CTTNBP2: variants seen among roughly 807,000 people sequenced by gnomAD.
CTTNBP2 encodes cortactin-binding protein 2.
In CTTNBP2, 108 loss-of-function variants were observed where a neutral mutation model predicts 156.9. The ratio of observed to expected loss-of-function variants is 0.69; its 90% CI spans 0.59 to 0.81. The LOEUF (loss-of-function observed/expected upper bound fraction) is 0.81, where lower values mean the gene tolerates loss of function less well. Among genes scored for constraint, CTTNBP2 ranks in the 30% least tolerant of loss-of-function variants. CTTNBP2 has a pLI of 0.00. For synonymous variants in CTTNBP2, 767 were observed against 751.8 expected (o/e 1.02, Z -0.33); for missense variants, 1,924 against 2,035.4 (o/e 0.95, Z 1.05).
At chr7:117,743,936 G>C (rs976530151) in intron 14 of CTTNBP2, among the ~76,000 whole-genome samples, 2 of 151,904 alleles carry the variant, frequency 1.3e-5, no homozygotes, top group Non-Finnish European at 2.9e-5. Flanking sequence ...GATTCTACTG[G>C]AATTTTCCTG....
At chr7:117,813,177 C>T (rs1012024299) in intron 2 of CTTNBP2, among the ~76,000 whole-genome samples, 2 of 152,158 alleles carry the variant, frequency 1.3e-5, no homozygotes, top group African/African-American at 4.8e-5. Flanking sequence ...ATTCTTTTCC[C>T]ATGAAGTGCC....
intron 4 of CTTNBP2, among the ~76,000 whole-genome samples, chr7:117,788,004 T>A (rs372723411): frequency 2.0e-5 from 3 of 152,338 alleles, no homozygotes; most frequent in East Asian, 3.9e-4. Flanking sequence ...AGACATGGTC[T>A]CACCGTGTCA....
At chr7:117,865,640 C>G (rs1804126265) in intron 1 of CTTNBP2, among the ~76,000 whole-genome samples, 1 of 142,936 alleles carries the variant, frequency 7.0e-6, no homozygotes, top group African/African-American at 2.6e-5. Flanking sequence ...TCGTGCCACT[C>G]CAGCCTGGTG....
At chr7:117,742,319 G>C (rs1041585266) in intron 14 of CTTNBP2, among the ~76,000 whole-genome samples, 6 of 152,174 alleles carry the variant, frequency 3.9e-5, no homozygotes, top group African/African-American at 1.4e-4. Context: ...CATGAGCAAA[G>C]ACATGCAGAG....
intron 8 of CTTNBP2, among the ~76,000 whole-genome samples, chr7:117,771,725 G>A (rs1797806462): frequency 6.6e-6 from 1 of 152,174 alleles, no homozygotes; most frequent in Non-Finnish European, 1.5e-5. Flanking sequence ...AGACTCTGCT[G>A]GACACGGTAT....
At chr7:117,784,819 GT>G (rs1798625596) in intron 4 of CTTNBP2, among the ~76,000 whole-genome samples, 1 of 152,104 alleles carries the variant, frequency 6.6e-6, no homozygotes, top group African/African-American at 2.4e-5. Flanking sequence ...AAATGTAAAG[GT>G]TTTACAAGGT....
rs1184959360 is a variant in CTTNBP2 at position 117,721,090 on chromosome 7, C to T, written c.4488G>A (p.Arg1496=). The T allele has an allele frequency of 1.9e-6, 3 of 1,606,578 alleles. No individual in the cohort carries two copies. The highest frequency in any genetic ancestry group is 2.7e-5 in the African/African-American group (2 of 74,756). Residue 1496 remains arginine, a synonymous_variant, in exon 20 of 23, where the codon AGG becomes AGA. Coordinates refer to ENST00000160373, the MANE Select transcript of CTTNBP2 (RefSeq NM_033427.3). The part of the protein sequence containing the change: ...NKTISQLNCN[R]NASLSKQKSL... ...ACTTTTGTTTTGACAGAGAAGCATT[C>T]CTGTTACAATTCAGCTGTGATATAG...
intron 2 of CTTNBP2, among the ~76,000 whole-genome samples, chr7:117,832,723 C>T (rs913647425): frequency 6.7e-5 from 10 of 148,572 alleles, no homozygotes; most frequent in Non-Finnish European, 1.5e-4. Context: ...ATCTATAGCC[C>T]TTCATTCATC....
intron 2 of CTTNBP2, among the ~76,000 whole-genome samples, chr7:117,838,281 G>A (rs1416460697): frequency 2.6e-5 from 4 of 152,162 alleles, no homozygotes; most frequent in Admixed American, 1.3e-4. Flanking sequence ...TGGTATTTCT[G>A]CTACTAAGAC....
At position 117,871,971 on chromosome 7, in the gene CTTNBP2, G is replaced by C. The variant is rs1408293756; in HGVS notation, c.81+1364C>G. 5 of 985,122 alleles carry C rather than the reference G, an allele frequency of 5.1e-6. No homozygotes were observed. In the South Asian group the frequency reaches 1.9e-4, roughly 37 times the overall value. 61.0% of individuals were successfully genotyped at this position (985,122 alleles called of 1,614,324 possible). A position where few individuals can be genotyped will look rare whatever the true frequency, so the allele number is the denominator to read the frequency against. Reference sequence around the variant, plus strand: ...CCAGAGAGCCTTGTCTCAATAGCTAGTTTCCTTACTGTGCCCCACAGAGGG... The same window carrying C: ...CCAGAGAGCCTTGTCTCAATAGCTACTTTCCTTACTGTGCCCCACAGAGGG... On this transcript the variant is annotated intron_variant, in intron 1 of 22. Transcript: ENST00000160373.
At chr7:117,780,877 G>C (rs1798396431) in intron 6 of CTTNBP2, among the ~76,000 whole-genome samples, 2 of 152,138 alleles carry the variant, frequency 1.3e-5, no homozygotes, top group African/African-American at 2.4e-5. Context: ...TGTGAAAGTA[G>C]AGTCCTTAGA....
chr7:117,769,964 A>G (rs555365810), intron 8 of CTTNBP2, among the ~76,000 whole-genome samples: 2 of 152,360 alleles, frequency 1.3e-5, no homozygotes, highest in South Asian at 2.1e-4. Flanking sequence ...TCAAGTATCT[A>G]TATCTCATAA....
intron 2 of CTTNBP2, among the ~76,000 whole-genome samples, chr7:117,833,073 G>A (rs1801720107): frequency 6.6e-6 from 1 of 151,878 alleles, no homozygotes; most frequent in South Asian, 2.1e-4. Context: ...TTCTTTTATG[G>A]AACTCATACA....
At chr7:117,723,831 C>T (rs1048451833) in intron 19 of CTTNBP2, among the ~76,000 whole-genome samples, 3 of 150,300 alleles carry the variant, frequency 2.0e-5, no homozygotes, top group Non-Finnish European at 4.4e-5. Flanking sequence ...CGGCTCACTG[C>T]AACCTCTGTG....
intron 2 of CTTNBP2, among the ~76,000 whole-genome samples, chr7:117,835,721 G>A (rs1801891271): frequency 6.6e-6 from 1 of 152,192 alleles, no homozygotes; most frequent in Non-Finnish European, 1.5e-5. Flanking sequence ...TAAAGCCAGA[G>A]GGTCTGGTCG....
intron 2 of CTTNBP2, among the ~76,000 whole-genome samples, chr7:117,860,739 T>G (rs1353894481): frequency 6.6e-6 from 1 of 152,212 alleles, no homozygotes; most frequent in Admixed American, 6.5e-5. Context: ...TTTGAAGGTA[T>G]GGATAAACAT....
At chr7:117,727,499 A>T (rs990649018) in intron 17 of CTTNBP2, among the ~76,000 whole-genome samples, 1 of 152,152 alleles carries the variant, frequency 6.6e-6, no homozygotes, top group African/African-American at 2.4e-5. Context: ...AGCTAAGAAG[A>T]TATTATTTCT....
Position 117,861,310 on chromosome 7 carries a change from C to A in CTTNBP2, c.88G>T (p.Glu30Ter). 6.2e-7 allele frequency: 1 copy of A among 1,609,240 alleles called. No homozygotes were observed. Among genetic ancestry groups the A allele is most frequent in the Non-Finnish European group, 8.5e-7 (1 of 1,176,954 alleles). The change falls in exon 2 of 23, where the codon GAG becomes TAG. Residue 30 changes from glutamate (E) to a stop codon, truncating the protein, a stop_gained. Coordinates refer to ENST00000160373, the MANE Select transcript of CTTNBP2 (RefSeq NM_033427.3). LOFTEE classifies it high-confidence loss of function. The part of the protein sequence containing the change: ...AGAAAEAAKK[E>*]FDVDTLSKSE... ...TTACTGAGAGTATCCACATCAAACT[C>A]TTTTTTCTGTAACACATAAAAAAAT...
At chr7:117,856,506 T>C (rs1202947572) in intron 2 of CTTNBP2, among the ~76,000 whole-genome samples, 1 of 152,250 alleles carries the variant, frequency 6.6e-6, no homozygotes, top group Non-Finnish European at 1.5e-5. Flanking sequence ...AAGGCAATTC[T>C]ATAACTGATA....
Sources: gnomAD v4.1 joint callset for allele counts (sites outside exome capture counted in the v4.1 genomes callset) on GRCh38, gnomAD v4.1.1 for gene constraint, MANE v1.5 for transcripts, NCBI Gene and HGNC (gene_info 2026-07-23, HGNC 2026-07-21) for gene names.